CDR2L: variants seen among roughly 807,000 people sequenced by gnomAD.
CDR2L encodes the protein cerebellar degeneration related protein 2 like, also known as cerebellar degeneration-related protein 2-like.
A neutral mutation model predicts 36.1 loss-of-function variants in CDR2L; 19 were observed. That is an observed-to-expected ratio of 0.53 (90% CI 0.37 to 0.77). CDR2L has a LOEUF of 0.77. Ranked by LOEUF, CDR2L falls within the 30% of genes least tolerant of loss-of-function variation. The pLI is 0.00. For missense variants in CDR2L, 575 were observed against 627.2 expected, an observed-to-expected ratio of 0.92 and a Z score of 0.89; for synonymous variants, 285 against 280.4, an observed-to-expected ratio of 1.02 and a Z score of -0.16.
chr17:74,995,069 CAA>C (rs34010923), intron 1 of CDR2L, among the ~76,000 whole-genome samples: 25 of 90,760 alleles, frequency 2.8e-4, no homozygotes, highest in Admixed American at 3.8e-4. Flanking sequence ...GACTCAGTCT[CAA>C]AAAAAAAAAA....
chr17:74,999,469 C>T (rs2144864595), intron 1 of CDR2L, 35 bp from the exon 2 acceptor site: 2 of 1,415,818 alleles, frequency 1.4e-6, no homozygotes, highest in South Asian at 2.5e-5. Flanking sequence ...GCGTCCTCTG[C>T]CTTTGTTCTC....
In CDR2L at chr17:75,002,806, G is replaced by C. The variant is rs1381634153; in HGVS notation, c.507-377G>C. Among the ~76,000 whole-genome samples the C allele has an allele frequency of 1.3e-5, 2 of 152,170 alleles. No homozygotes were observed. The highest frequency in any genetic ancestry group is 4.8e-5 in the African/African-American group (2 of 41,432). On this transcript the variant is annotated intron_variant, in intron 4 of 4. Transcript: ENST00000337231. The surrounding 1 kb of genome is among the most constrained non-coding windows in gnomAD (Gnocchi z 4.1). ...CAGCCCTAGGCCTCAAAGCGCAAGG[G>C]GGAAGGGAGGTTACCGGCACCTGGA...
rs73995711 is a variant in CDR2L at position 74,999,500 on chromosome 17, C to G, written c.80-4C>G. 1 of 1,557,380 alleles carries G rather than the reference C, an allele frequency of 6.4e-7. No homozygotes were observed. The highest frequency in any genetic ancestry group is 8.7e-7 in the Non-Finnish European group (1 of 1,148,626). Reference sequence around the variant, plus strand: ...TTCTCATGCTCGTGTTTCTCCTATCCTAGACTTGCACCTAGCTGCGGAGCT... The same window carrying G: ...TTCTCATGCTCGTGTTTCTCCTATCGTAGACTTGCACCTAGCTGCGGAGCT... On this transcript the variant is annotated splice_region_variant and splice_polypyrimidine_tract_variant and intron_variant, in intron 1 of 4. Coordinates refer to ENST00000337231, the MANE Select transcript of CDR2L (RefSeq NM_014603.3).
Position 74,989,847 on chromosome 17 carries a change from C to T in CDR2L, c.79+1725C>T, listed in dbSNP as rs1039219881. On this transcript the variant is annotated intron_variant, in intron 1 of 4. Transcript: ENST00000337231. The surrounding 1 kb of genome is among the most constrained non-coding windows in gnomAD (Gnocchi z 4.2). ...AGAGACAGGGTTTCACCATGTTGGC[C>T]AGGCTGCTCTCAAACTCCTGACCTC... is the stretch of plus-strand genomic sequence containing the variant. Among the ~76,000 whole-genome samples, 2 of 152,070 alleles carry T rather than the reference C, an allele frequency of 1.3e-5. No individual in the cohort carries two copies. The highest frequency in any genetic ancestry group is 3.9e-4 in the East Asian group (2 of 5,190).
chr17:75,001,066 T>A (rs780286076), intron 2 of CDR2L, among the ~76,000 whole-genome samples: 28 of 149,766 alleles, frequency 1.9e-4, no homozygotes, highest in Non-Finnish European at 3.6e-4. Flanking sequence ...AAACCCTGTC[T>A]CTACTAAAAA....
rs541884053 is a variant in CDR2L, at chr17:75,001,545, G to A, written c.341+56G>A. ...GCGAGGGAGAGCCCCAGGGCTGAGT[G>A]TACACAGGGGCCCATGGACTGATGG... On this transcript the variant is annotated intron_variant, in intron 3 of 4. Transcript: ENST00000337231. 3.3e-5 allele frequency: 47 copies of A among 1,417,418 alleles called. No homozygotes were observed. The East Asian group carries it at 1.1e-3, about 34-fold the overall frequency. 87.8% of individuals were successfully genotyped at this position (1,417,418 alleles called of 1,614,324 possible).
intron 2 of CDR2L, among the ~76,000 whole-genome samples, chr17:75,000,230 G>C (rs2039856739): frequency 6.6e-6 from 1 of 152,088 alleles, no homozygotes; most frequent in Non-Finnish European, 1.5e-5. Context: ...AGCCGTGATT[G>C]TGCCACTGCA....
In CDR2L at chr17:75,003,321, G is replaced by A; in HGVS notation, c.645G>A (p.Arg215=). 6.4e-7 allele frequency: 1 copy of A among 1,555,056 alleles called. No homozygotes were observed. The highest frequency in any genetic ancestry group is 8.7e-7 in the Non-Finnish European group (1 of 1,150,180). Residue 215 remains arginine (R), a synonymous_variant, in exon 5 of 5, where the codon CGG becomes CGA. Coordinates refer to ENST00000337231, the MANE Select transcript of CDR2L (RefSeq NM_014603.3). ...QVSQERQRKE[R]AEREYTAVLQ... Reference sequence around the variant, plus strand: ...GCCAGGAGCGGCAGCGCAAGGAGCGGGCGGAGCGCGAGTACACCGCGGTGC... The same window carrying A: ...GCCAGGAGCGGCAGCGCAAGGAGCGAGCGGAGCGCGAGTACACCGCGGTGC...
At chr17:74,997,124 G>A (rs2039833766) in intron 1 of CDR2L, among the ~76,000 whole-genome samples, 1 of 140,574 alleles carries the variant, frequency 7.1e-6, no homozygotes, top group Non-Finnish European at 1.5e-5. Flanking sequence ...TGTTACTCAG[G>A]CTGGAGTGCA....
rs1205748573 is a variant in CDR2L at position 74,987,649 on chromosome 17, C to A, written c.-395C>A. 1 of 154,208 alleles carries A rather than the reference C, an allele frequency of 6.5e-6. No homozygotes were observed. Among genetic ancestry groups the A allele is most frequent in the East Asian group, 1.9e-4 (1 of 5,290 alleles). 9.6% of individuals were successfully genotyped at this position (154,208 alleles called of 1,614,324 possible). ...GCTCCGCCAAGATGCAGCGGCGGCTCCGGTTGTCGCCGGGCGGGCCAGGAG... is the reference window on the plus strand; with the variant it reads ...GCTCCGCCAAGATGCAGCGGCGGCTACGGTTGTCGCCGGGCGGGCCAGGAG... On this transcript the variant is annotated 5_prime_UTR_variant, in exon 1 of 5. Transcript: ENST00000337231.
chr17:74,992,523 C>T (rs904016683), intron 1 of CDR2L, among the ~76,000 whole-genome samples: 1 of 151,898 alleles, frequency 6.6e-6, no homozygotes, highest in Non-Finnish European at 1.5e-5. Flanking sequence ...CCAGGCCTCT[C>T]TCCTCTGAGC....
chr17:74,997,050 TTCTTTCTTTCTTTC>T (rs2039830694), intron 1 of CDR2L, among the ~76,000 whole-genome samples: 1 of 9,104 alleles, frequency 1.1e-4, no homozygotes. Context: ...CTTTCTTTCT[TTCTTTCTTTCTTTC>T]TTTCTTTCTT....
At position 75,003,420 on chromosome 17, in the gene CDR2L, G is replaced by T. The variant is rs754909508; in HGVS notation, c.744G>T (p.Glu248Asp). The change falls in exon 5 of 5, where the codon GAG becomes GAT. Residue 248 changes from glutamate (E) to aspartate (D), a missense_variant. Glu to Asp is a conservative substitution (Grantham distance 45). Transcript: ENST00000337231. ...EACRLRVQEL[E>D]AELLELQQMK... ...GTCGCCTGCGTGTGCAGGAGCTGGA[G>T]GCCGAGCTGCTGGAGCTGCAGCAGA... is the stretch of plus-strand genomic sequence containing the variant. 1 of 1,574,952 alleles carries T rather than the reference G, an allele frequency of 6.3e-7. No homozygotes were observed. Among genetic ancestry groups the T allele is most frequent in the South Asian group, 1.2e-5 (1 of 85,584 alleles).
intron 2 of CDR2L, 57 bp downstream of exon 2, chr17:74,999,673 G>T: frequency 9.5e-7 from 1 of 1,052,044 alleles, no homozygotes; most frequent in Middle Eastern, 2.2e-4. Flanking sequence ...GCCTGTGTGT[G>T]CCTTTATGCA....
At chr17:74,997,612 G>A (rs8065063) in intron 1 of CDR2L, among the ~76,000 whole-genome samples, 91,590 of 151,970 alleles carry the variant, frequency 0.6, 27,907 homozygotes, top group East Asian at 0.83. Flanking sequence ...TGCCCTGCCA[G>A]GTGCGGTGGC....
rs144887541 is a variant in CDR2L at position 75,004,837 on chromosome 17, C to G, written c.*763C>G. 6.5e-5 allele frequency: 10 copies of G among 153,120 alleles called. No homozygotes were observed. Among genetic ancestry groups the G allele is most frequent in the African/African-American group, 2.4e-4 (10 of 41,468 alleles). 9.5% of individuals were successfully genotyped at this position (153,120 alleles called of 1,614,324 possible). On this transcript the variant is annotated 3_prime_UTR_variant, in exon 5 of 5. Transcript: ENST00000337231. ...AGAGCTTGTCTCCTTGGCTTCCAAC[C>G]CCAGAAATGCCTGCTGGGCCTTAAG...
chr17:74,992,494 C>G (rs2039802935), intron 1 of CDR2L, among the ~76,000 whole-genome samples: 1 of 151,992 alleles, frequency 6.6e-6, no homozygotes, highest in Admixed American at 6.6e-5. Flanking sequence ...GTCTAGCCAG[C>G]TCCCCCATTC....
In CDR2L at chr17:75,002,237, G is replaced by C. The variant is rs373998665; in HGVS notation, c.506+9G>C. On this transcript the variant is annotated intron_variant, in intron 4 of 4. Transcript: ENST00000337231. The surrounding 1 kb of genome is among the most constrained non-coding windows in gnomAD (Gnocchi z 4.1). ...CTGTGCACCAGCCCCCGGTAGGTGA[G>C]AGCACTGCTTGGTGTCTCTGGGATT... is the stretch of plus-strand genomic sequence containing the variant. 352 of 1,602,922 alleles carry C rather than the reference G, an allele frequency of 2.2e-4. 1 individual carries two copies. The African/African-American group carries it at 4.3e-3, about 20-fold the overall frequency.
Position 75,003,272 on chromosome 17 carries a change from T to TG in CDR2L, c.601dup (p.Ala201GlyfsTer84). The TG allele has an allele frequency of 6.4e-7, 1 of 1,557,136 alleles. No homozygotes were observed. The highest frequency in any genetic ancestry group is 8.7e-7 in the Non-Finnish European group (1 of 1,151,502). On this transcript the variant is annotated frameshift_variant, in exon 5 of 5. Coordinates refer to ENST00000337231, the MANE Select transcript of CDR2L (RefSeq NM_014603.3). LOFTEE classifies it high-confidence loss of function. ...GAGAACGAGCGGCTGCAGACCCTGG[T>TG]GGGGGCGCTGCGCTCCCAGGTGAGC...
Sources: gnomAD v4.1 joint callset for allele counts (sites outside exome capture counted in the v4.1 genomes callset) on GRCh38, gnomAD v4.1.1 for gene constraint, Gnocchi (gnomAD v3.1) non-coding constraint, MANE v1.5 for transcripts, NCBI Gene and HGNC (gene_info 2026-07-23, HGNC 2026-07-21) for gene names.